BNC2: variants seen among roughly 807,000 people sequenced by gnomAD.
The protein encoded by BNC2 is zinc finger protein basonuclin-2.
Under a neutral mutation model 76.3 loss-of-function variants are expected in BNC2, and 20 were observed. The ratio of observed to expected loss-of-function variants is 0.26; its 90% CI spans 0.18 to 0.38. BNC2 has a LOEUF of 0.38. Among genes scored for constraint, BNC2 ranks in the 10% least tolerant of loss-of-function variants. The probability of loss-of-function intolerance (pLI) is 1.00; values close to 1 mark genes in which losing one functional copy is unlikely to be tolerated. For synonymous variants in BNC2, 582 were observed against 514.8 expected (o/e 1.13, Z -1.77); for missense variants, 1,382 against 1,399.8 (o/e 0.99, Z 0.20).
chr9:16,858,180 T>C (rs1819309238), intron 1 of BNC2, among the ~76,000 whole-genome samples: 1 of 152,200 alleles, frequency 6.6e-6, no homozygotes, highest in African/African-American at 2.4e-5. Flanking sequence ...ATGGTTTTCT[T>C]CCCCCTTTCC....
At chr9:16,867,433 A>G (rs1819570438) in intron 1 of BNC2, 1 of 152,182 alleles carries the variant, frequency 6.6e-6, no homozygotes, top group African/African-American at 2.4e-5. Flanking sequence ...GAAGTATGCC[A>G]TCTTACAATA....
intron 5 of BNC2, among the ~76,000 whole-genome samples, chr9:16,457,681 G>A (rs1373919465): frequency 6.6e-6 from 1 of 152,152 alleles, no homozygotes; most frequent in Non-Finnish European, 1.5e-5. Context: ...CAGATTCCCA[G>A]AAGGAAAGCG....
At chr9:16,514,390 T>C (rs1414613989) in intron 5 of BNC2, among the ~76,000 whole-genome samples, 1 of 152,136 alleles carries the variant, frequency 6.6e-6, no homozygotes, top group Non-Finnish European at 1.5e-5. Context: ...CAAAAGGAAG[T>C]GGGGCTTCAG....
intron 5 of BNC2, among the ~76,000 whole-genome samples, chr9:16,443,450 C>G (rs139676709): frequency 6.6e-6 from 1 of 152,056 alleles, no homozygotes; most frequent in Non-Finnish European, 1.5e-5. Context: ...GCAAGAGAAA[C>G]AGATTGGATA....
chr9:16,735,980 T>A (rs7035348), intron 2 of BNC2, among the ~76,000 whole-genome samples: 12,878 of 149,764 alleles, frequency 0.086, 1,217 homozygotes, highest in East Asian at 0.47. Flanking sequence ...ACACCTGTAA[T>A]CCCAGCACTT....
At chr9:16,523,774 AAAT>A (rs1414804121) in intron 5 of BNC2, among the ~76,000 whole-genome samples, 1 of 151,652 alleles carries the variant, frequency 6.6e-6, no homozygotes, top group African/African-American at 2.4e-5. Flanking sequence ...AAAATACAAA[AAAT>A]TAGCCAGGCA....
At chr9:16,446,044 T>C (rs2130984881) in intron 5 of BNC2, among the ~76,000 whole-genome samples, 1 of 152,330 alleles carries the variant, frequency 6.6e-6, no homozygotes, top group East Asian at 1.9e-4. Context: ...CTTTGTTAGC[T>C]GACATGCTAA....
At chr9:16,753,109 T>C (rs1035909839) in intron 1 of BNC2, among the ~76,000 whole-genome samples, 4 of 151,368 alleles carry the variant, frequency 2.6e-5, no homozygotes, top group Non-Finnish European at 5.9e-5. Flanking sequence ...TTGACTCTTC[T>C]TTTCAATGAC....
chr9:16,770,256 C>T (rs1016607286), intron 1 of BNC2, among the ~76,000 whole-genome samples: 1 of 152,114 alleles, frequency 6.6e-6, no homozygotes, highest in African/African-American at 2.4e-5. Flanking sequence ...AGATCAGGGC[C>T]AACCCTGTGT....
rs113712923 is a variant in BNC2, at chr9:16,715,576, T to A, written c.330+12221A>T. Among the ~76,000 whole-genome samples, 770 of 152,332 alleles carry A rather than the reference T, an allele frequency of 5.1e-3. 12 individuals carry two copies. Among genetic ancestry groups the A allele is most frequent in the African/African-American group, 0.017 (723 of 41,578 alleles). ...AAATATTTGAATAGGTTGCCAAGAT[T>A]TCAAAATCAGGAGATTTCACATAAA... On this transcript the variant is annotated intron_variant, in intron 3 of 6. Transcript: ENST00000380672.
rs753744074 is a variant in BNC2 at position 16,436,678 on chromosome 9, G to T, written c.1516C>A (p.Arg506=). ...GTGGCCCGAATTAAATCTTTATCTC[G>T]GTTATTCCTTAGCATAGGCATGTGA... ...RLHMPMLRNN[R]DKDLIRATSG... Residue 506 remains arginine, a synonymous_variant, in exon 6 of 7, where the codon CGA becomes AGA. Coordinates refer to ENST00000380672, the MANE Select transcript of BNC2 (RefSeq NM_017637.6). 1.2e-6 allele frequency: 2 copies of T among 1,614,094 alleles called. No individual in the cohort carries two copies. Among genetic ancestry groups the T allele is most frequent in the South Asian group, 2.2e-5 (2 of 91,070 alleles).
chr9:16,535,346 G>A (rs1380818628), intron 5 of BNC2, among the ~76,000 whole-genome samples: 1 of 152,144 alleles, frequency 6.6e-6, no homozygotes, highest in Non-Finnish European at 1.5e-5. Context: ...CTGGACAGAG[G>A]AATAGAAATT....
chr9:16,727,596 CTTT>C (rs1824377495), intron 3 of BNC2, 198 bp downstream of exon 3: 1 of 575,082 alleles, frequency 1.7e-6, no homozygotes, highest in South Asian at 2.4e-5. Context: ...TCCCCTTTTT[CTTT>C]TAAGACGCCC....
At chr9:16,585,942 A>C (rs548746649) in intron 3 of BNC2, among the ~76,000 whole-genome samples, 3 of 152,260 alleles carry the variant, frequency 2.0e-5, no homozygotes, top group Non-Finnish European at 2.9e-5. Flanking sequence ...GTATGCAGAA[A>C]GGAGCAGAGA....
chr9:16,498,696 A>G (rs575461837), intron 5 of BNC2, among the ~76,000 whole-genome samples: 1 of 151,872 alleles, frequency 6.6e-6, no homozygotes, highest in African/African-American at 2.4e-5. Context: ...AATCAAGAAA[A>G]AAAAAAGACC....
At chr9:16,515,831 T>C (rs1033971361) in intron 5 of BNC2, among the ~76,000 whole-genome samples, 20 of 150,838 alleles carry the variant, frequency 1.3e-4, no homozygotes, top group African/African-American at 4.9e-4. Flanking sequence ...TATATATATA[T>C]ACATCTCATT....
intron 3 of BNC2, chr9:16,665,242 T>G: frequency 5.4e-6 from 2 of 369,338 alleles, no homozygotes; most frequent in Non-Finnish European, 5.2e-6. Flanking sequence ...TGGTGGTGCA[T>G]GCCTGTAATC....
At chr9:16,816,399 A>T (rs1333191980) in intron 1 of BNC2, among the ~76,000 whole-genome samples, 1 of 152,210 alleles carries the variant, frequency 6.6e-6, no homozygotes, top group African/African-American at 2.4e-5. Flanking sequence ...CGCTCTCTTC[A>T]GTAGAGAATA....
intron 3 of BNC2, among the ~76,000 whole-genome samples, chr9:16,673,463 C>CAT (rs1202759856): frequency 6.7e-6 from 1 of 149,786 alleles, no homozygotes; most frequent in African/African-American, 2.5e-5. Context: ...CACACACACA[C>CAT]ATACAACTGA....
Sources: gnomAD v4.1 joint callset for allele counts (sites outside exome capture counted in the v4.1 genomes callset) on GRCh38, gnomAD v4.1.1 for gene constraint, MANE v1.5 for transcripts, NCBI Gene and HGNC (gene_info 2026-07-23, HGNC 2026-07-21) for gene names.